Variants in RAB38 observed in about 807,000 individuals in gnomAD.
The protein encoded by RAB38 is ras-related protein Rab-38.
Under a neutral mutation model 18.4 loss-of-function variants are expected in RAB38, and 15 were observed. That is an observed-to-expected ratio of 0.82 (90% CI 0.55 to 1.26). The LOEUF is 1.26. RAB38 is among the 50% of genes most tolerant of loss of function. The pLI, the probability that RAB38 is intolerant of heterozygous loss-of-function variation, is 0.00. For synonymous variants in RAB38, 101 were observed against 104.4 expected (o/e 0.97, Z 0.20); for missense variants, 294 against 267.4 (o/e 1.10, Z -0.69).
At chr11:87,927,185 T>G in the RAB38 span, among the ~76,000 whole-genome samples, 2 of 152,018 alleles carry the variant, frequency 1.3e-5, no homozygotes, top group Non-Finnish European at 2.9e-5. Flanking sequence ...AGACTTGCAG[T>G]GTTTTCAATG....
At chr11:88,038,722 G>C in the RAB38 span, among the ~76,000 whole-genome samples, 1 of 152,012 alleles carries the variant, frequency 6.6e-6, no homozygotes, top group Non-Finnish European at 1.5e-5. Flanking sequence ...TTATATATCT[G>C]CAAAATCTGT....
chr11:88,086,585 G>A, the RAB38 span, among the ~76,000 whole-genome samples: 2 of 151,916 alleles, frequency 1.3e-5, no homozygotes, highest in Non-Finnish European at 2.9e-5. Flanking sequence ...TAGAGTAGGA[G>A]GTAAGCTTGG....
chr11:88,160,523 G>A (rs766490426), intron 1 of RAB38, among the ~76,000 whole-genome samples: 27 of 151,900 alleles, frequency 1.8e-4, no homozygotes, highest in Non-Finnish European at 2.9e-4. Context: ...CCAAAAACAC[G>A]TGCACTCACA....
the RAB38 span, among the ~76,000 whole-genome samples, chr11:87,843,439 G>A: frequency 6.6e-6 from 1 of 152,166 alleles, no homozygotes; most frequent in African/African-American, 2.4e-5. Context: ...TGTTGCTGCA[G>A]AGTTACCTAT....
chr11:87,956,633 A>G, the RAB38 span, among the ~76,000 whole-genome samples: 1 of 152,284 alleles, frequency 6.6e-6, no homozygotes, highest in African/African-American at 2.4e-5. Context: ...TCAGAACATG[A>G]TATGTGAAAA....
the RAB38 span, among the ~76,000 whole-genome samples, chr11:88,105,790 T>C: frequency 9.9e-5 from 15 of 152,134 alleles, no homozygotes; most frequent in African/African-American, 2.7e-4. Context: ...GATTAGCCCA[T>C]TGTGGCCAGA....
chr11:88,123,522 C>T (rs1350188501), intron 2 of RAB38, among the ~76,000 whole-genome samples: 1 of 152,172 alleles, frequency 6.6e-6, no homozygotes, highest in Non-Finnish European at 1.5e-5. Context: ...TTATTTGATA[C>T]CATTCTTTTA....
At chr11:88,034,026 A>G in the RAB38 span, among the ~76,000 whole-genome samples, 10,988 of 152,114 alleles carry the variant, frequency 0.072, 645 homozygotes, top group African/African-American at 0.14. Context: ...CGCGCCCTGC[A>G]GTTGTGTTGC....
the RAB38 span, among the ~76,000 whole-genome samples, chr11:88,034,914 T>C: frequency 2.4e-4 from 37 of 152,356 alleles, 1 homozygote; most frequent in Admixed American, 6.5e-4. Context: ...TTGGTAAATA[T>C]TGACAAATAG....
chr11:87,867,824 T>A, the RAB38 span, among the ~76,000 whole-genome samples: 1 of 151,676 alleles, frequency 6.6e-6, no homozygotes, highest in Non-Finnish European at 1.5e-5. Context: ...ATACCACAGA[T>A]GAAGAAACTA....
intron 2 of RAB38, among the ~76,000 whole-genome samples, chr11:88,149,307 A>G (rs1271090093): frequency 6.6e-6 from 1 of 152,266 alleles, no homozygotes; most frequent in Non-Finnish European, 1.5e-5. Context: ...TAACTAACAC[A>G]TGAATAAGGC....
chr11:87,930,980 G>A, the RAB38 span, among the ~76,000 whole-genome samples: 4 of 152,160 alleles, frequency 2.6e-5, no homozygotes, highest in African/African-American at 9.7e-5. Flanking sequence ...TTGTAGCATA[G>A]TTTGAAGTCA....
chr11:88,140,767 A>T (rs982479720), intron 2 of RAB38, among the ~76,000 whole-genome samples: 4 of 152,214 alleles, frequency 2.6e-5, no homozygotes, highest in Non-Finnish European at 4.4e-5. Flanking sequence ...AAGCAGAAAA[A>T]AAATCTCACT....
the RAB38 span, among the ~76,000 whole-genome samples, chr11:88,027,457 C>T: frequency 6.6e-6 from 1 of 152,260 alleles, no homozygotes; most frequent in South Asian, 2.1e-4. Context: ...TCAGGGAGTT[C>T]CCTTTCCTAG....
At chr11:87,857,640 C>T in the RAB38 span, among the ~76,000 whole-genome samples, 1 of 151,868 alleles carries the variant, frequency 6.6e-6, no homozygotes, top group Non-Finnish European at 1.5e-5. Flanking sequence ...TTTCATGTGT[C>T]TTTTGGCTGC....
the RAB38 span, among the ~76,000 whole-genome samples, chr11:87,965,440 C>T: frequency 3.9e-5 from 6 of 152,218 alleles, no homozygotes; most frequent in South Asian, 6.2e-4. Context: ...TCTTCGATGA[C>T]GACTGAATTT....
At chr11:88,012,198 T>G in the RAB38 span, among the ~76,000 whole-genome samples, 63 of 152,252 alleles carry the variant, frequency 4.1e-4, 1 homozygote, top group African/African-American at 1.4e-3. Context: ...GACCTACTGA[T>G]TAATGAAGCT....
chr11:88,103,285 G>A, the RAB38 span, among the ~76,000 whole-genome samples: 3 of 152,020 alleles, frequency 2.0e-5, no homozygotes, highest in Non-Finnish European at 2.9e-5. Flanking sequence ...TAGTGTGTCA[G>A]AGATAAGGCT....
At chr11:87,865,415 C>T in the RAB38 span, among the ~76,000 whole-genome samples, 1 of 151,646 alleles carries the variant, frequency 6.6e-6, no homozygotes, top group Admixed American at 6.6e-5. Context: ...ATACTCCTGG[C>T]TTTGAAGATG....
Sources: allele counts gnomAD v4.1 joint callset (sites outside exome capture counted in the v4.1 genomes callset), GRCh38; gene constraint gnomAD v4.1.1; transcripts MANE v1.5; gene names NCBI Gene and HGNC (gene_info 2026-07-23, HGNC 2026-07-21).